C1orf35: variants seen among roughly 807,000 people sequenced by gnomAD.
The protein encoded by C1orf35 is multiple myeloma tumor-associated protein 2.
C1orf35 carries 36 observed loss-of-function variants against 30.9 expected under a neutral mutation model. The observed-to-expected ratio is 1.16, with a 90% CI of 0.89 to 1.54. The LOEUF (loss-of-function observed/expected upper bound fraction) is 1.54. C1orf35 is among the 40% of genes most tolerant of loss of function. C1orf35 has a pLI of 0.00. For missense variants in C1orf35, 396 were observed against 358.7 expected, an observed-to-expected ratio of 1.10 and a Z score of -0.84; for synonymous variants, 179 against 148.2, an observed-to-expected ratio of 1.21 and a Z score of -1.51.
intron 6 of C1orf35, chr1:228,101,801 C>T: frequency 7.1e-7 from 1 of 1,410,810 alleles, no homozygotes; most frequent in Non-Finnish European, 9.2e-7. Context: ...CCTGGAGGTG[C>T]CACCCACGGC....
chr1:228,102,803 T>TGGCCCCCC, intron 2 of C1orf35, 96 bp downstream of exon 2: 2 of 1,187,496 alleles, frequency 1.7e-6, no homozygotes, highest in Non-Finnish European at 2.3e-6. Flanking sequence ...GCAGCCCCGC[T>TGGCCCCCC]CCCGCCCAGC....
rs1466261757 is a variant in C1orf35 at position 228,101,405 on chromosome 1, TTCTC to T, written c.598_601del (p.Glu200ArgfsTer76). ...CCTGTGCTCTTTGTCTTTCTTCTTC[TTCTC>T]TTTCTTGTGTTTCCTCTTTTTCTTT... On this transcript the variant is annotated frameshift_variant, in exon 7 of 8. Coordinates refer to ENST00000272139, the MANE Select transcript of C1orf35 (RefSeq NM_024319.4). LOFTEE classifies it high-confidence loss of function. 8.1e-6 allele frequency: 13 copies of T among 1,613,878 alleles called. No individual in the cohort carries two copies. The highest frequency in any genetic ancestry group is 1.1e-5 in the Non-Finnish European group (13 of 1,179,986).
At position 228,100,770 on chromosome 1, in the gene C1orf35, T is replaced by C. The variant is rs898914369; in HGVS notation, c.*361A>G. 1 of 225,798 alleles carries C rather than the reference T, an allele frequency of 4.4e-6. No homozygotes were observed. Among genetic ancestry groups the C allele is most frequent in the African/African-American group, 2.3e-5 (1 of 44,108 alleles). The allele number at this position is 225,798 out of a possible 1,614,324, so 14.0% of individuals were successfully genotyped here. A position where few individuals can be genotyped will look rare whatever the true frequency, so the allele number is the denominator to read the frequency against. Reference sequence around the variant, plus strand: ...TATTTATTGAAATACAAAGAGTCAATATAAAGAAAAATAGAGGTCACCATA... The same window carrying C: ...TATTTATTGAAATACAAAGAGTCAACATAAAGAAAAATAGAGGTCACCATA... On this transcript the variant is annotated 3_prime_UTR_variant, in exon 8 of 8. Transcript: ENST00000272139.
At chr1:228,102,217 C>A in intron 5 of C1orf35, 52 bp from the exon 6 acceptor site, 2 of 1,559,892 alleles carry the variant, frequency 1.3e-6, no homozygotes, top group South Asian at 1.1e-5. Context: ...CCCCACACCA[C>A]GCCCCGCAGC....
At chr1:228,101,527 G>A in intron 6 of C1orf35, 54 bp from the exon 7 acceptor site, 4 of 1,601,156 alleles carry the variant, frequency 2.5e-6, no homozygotes, top group East Asian at 2.2e-5. Context: ...AGCCAAGAGA[G>A]TGAACACAAG....
At position 228,100,747 on chromosome 1, in the gene C1orf35, T is replaced by C. The variant is rs187213062; in HGVS notation, c.*384A>G. 1.7e-4 allele frequency: 32 copies of C among 184,328 alleles called. No homozygotes were observed. The highest frequency in any genetic ancestry group is 1.3e-3 in the Admixed American group (24 of 17,892). 11.4% of individuals were successfully genotyped at this position (184,328 alleles called of 1,614,324 possible). On this transcript the variant is annotated 3_prime_UTR_variant, in exon 8 of 8. Transcript: ENST00000272139. ...TGATATACCTTCCTTTTAAAATATA[T>C]TTATTGAAATACAAAGAGTCAATAT...
intron 7 of C1orf35, 26 bp from the exon 8 acceptor site, chr1:228,101,280 A>G (rs755434861): frequency 6.2e-7 from 1 of 1,614,000 alleles, no homozygotes; most frequent in East Asian, 2.2e-5. Flanking sequence ...GCAGTCAGTC[A>G]CTCGGAAGGA....
At chr1:228,102,222 C>A in intron 5 of C1orf35, 57 bp from the exon 6 acceptor site, 3 of 1,565,314 alleles carry the variant, frequency 1.9e-6, no homozygotes, top group Non-Finnish European at 2.6e-6. Flanking sequence ...CACCACGCCC[C>A]GCAGCGCCCC....
Position 228,101,172 on chromosome 1 carries a change from T to G in C1orf35, c.751A>C (p.Ser251Arg), listed in dbSNP as rs1159691797. Residue 251 changes from serine to arginine, a missense_variant, in exon 8 of 8, where the codon AGC (serine) becomes CGC (arginine). By Grantham distance (110) the Ser-to-Arg change is moderately radical (BLOSUM62 -1). Coordinates refer to ENST00000272139, the MANE Select transcript of C1orf35 (RefSeq NM_024319.4). Reference protein sequence around the residue: ...RKRGHSGDRRSPSRRWHDRGS... With the variant: ...RKRGHSGDRRRPSRRWHDRGS... ...CTGTCATGCCACCTGCGAGACGGGC[T>G]CCTCCTGTCCCCACTGTGTCCCCGC... 2 of 1,613,912 alleles carry G rather than the reference T, an allele frequency of 1.2e-6. No individual in the cohort carries two copies. Among genetic ancestry groups the G allele is most frequent in the South Asian group, 2.2e-5 (2 of 91,076 alleles).
intron 6 of C1orf35, 89 bp downstream of exon 6, chr1:228,101,991 A>T: frequency 1.4e-6 from 2 of 1,430,142 alleles, no homozygotes; most frequent in African/African-American, 2.9e-5. Context: ...GCGCCAAGAG[A>T]AGCTGCCACC....
At position 228,103,308 on chromosome 1, in the gene C1orf35, G is replaced by A. The variant is rs929700654; in HGVS notation, c.-81C>T. 9 of 1,518,210 alleles carry A rather than the reference G, an allele frequency of 5.9e-6. No homozygotes were observed. Among genetic ancestry groups the A allele is most frequent in the African/African-American group, 5.6e-5 (4 of 71,600 alleles). The allele number at this position is 1,518,210 out of a possible 1,614,324, so 94.0% of individuals were successfully genotyped here. A position where few individuals can be genotyped will look rare whatever the true frequency, so the allele number is the denominator to read the frequency against. On this transcript the variant is annotated 5_prime_UTR_variant, in exon 1 of 8. Transcript: ENST00000272139. ...CCGAGACCCGCTACCCACTACCGTC[G>A]GACCCAGGCCCGACCCCGCCTCCGC... is the stretch of plus-strand genomic sequence containing the variant.
chr1:228,101,312 A>C, intron 7 of C1orf35, 27 bp downstream of exon 7: 1 of 1,614,122 alleles, frequency 6.2e-7, no homozygotes, highest in South Asian at 1.1e-5. Context: ...CCCCACCCCC[A>C]AGAGGCAGAT....
chr1:228,101,161 G>T lies in C1orf35; in HGVS notation c.762C>A (p.Arg254=). The change falls in exon 8 of 8, where the codon CGC becomes CGA. Residue 254 remains arginine, a synonymous_variant. Transcript: ENST00000272139. ...GHSGDRRSPS[R]RWHDRGSEA ...CCTCAGAGCCTCTGTCATGCCACCTGCGAGACGGGCTCCTCCTGTCCCCAC... is the reference window on the plus strand; with the variant it reads ...CCTCAGAGCCTCTGTCATGCCACCTTCGAGACGGGCTCCTCCTGTCCCCAC... The T allele has an allele frequency of 1.2e-6, 2 of 1,613,970 alleles. No homozygotes were observed. Among genetic ancestry groups the T allele is most frequent in the Non-Finnish European group, 1.7e-6 (2 of 1,180,034 alleles).
rs1343578139 is a variant in C1orf35 at position 228,103,138 on chromosome 1, G to A, written c.90C>T (p.Tyr30=). 1.2e-6 allele frequency: 2 copies of A among 1,610,928 alleles called. No homozygotes were observed. Among genetic ancestry groups the A allele is most frequent in the East Asian group, 2.2e-5 (1 of 44,758 alleles). The change falls in exon 1 of 8, where the codon TAC becomes TAT. Residue 30 remains tyrosine (Y), a synonymous_variant. Coordinates refer to ENST00000272139, the MANE Select transcript of C1orf35 (RefSeq NM_024319.4). ...DVKTDKQREN[Y]LGNSLMAPVG... ...CCGCCCACCGCGCGCACCCACCCAG[G>A]TAGTTCTCCCGCTGCTTGTCAGTCT...
intron 2 of C1orf35, 46 bp from the exon 3 acceptor site, chr1:228,102,734 C>A (rs761263806): frequency 3.0e-5 from 47 of 1,579,506 alleles, no homozygotes; most frequent in Non-Finnish European, 3.6e-5. Context: ...GACCTCCTCC[C>A]ACCACAGGTC....
chr1:228,101,798 G>GTGCC, intron 6 of C1orf35: 1 of 1,412,258 alleles, frequency 7.1e-7, no homozygotes. Flanking sequence ...AGCCCTGGAG[G>GTGCC]TGCCACCCAC....
At position 228,102,068 on chromosome 1, in the gene C1orf35, G is replaced by T; in HGVS notation, c.533+12C>A. The T allele has an allele frequency of 6.4e-7, 1 of 1,567,108 alleles. No homozygotes were observed. The highest frequency in any genetic ancestry group is 2.3e-5 in the East Asian group (1 of 43,564). On this transcript the variant is annotated intron_variant, in intron 6 of 7. Coordinates refer to ENST00000272139, the MANE Select transcript of C1orf35 (RefSeq NM_024319.4). ...CCCCGGGGCACAGCTAGCCCAGGTG[G>T]CACAGCCTCACCTGCTTTCCGTCTG...
In C1orf35 at chr1:228,103,219, G is replaced by C; in HGVS notation, c.9C>G (p.Gly3=). MF[G]SSRGGVRGGQ... ...CGCCGCGCACGCCTCCACGACTGGA[G>C]CCGAACATGGCGCCGGGAAGGCAGT... The change falls in exon 1 of 8, where the codon GGC becomes GGG. Residue 3 remains glycine, a synonymous_variant. Transcript: ENST00000272139. 1 of 1,609,874 alleles carries C rather than the reference G, an allele frequency of 6.2e-7. No homozygotes were observed. Among genetic ancestry groups the C allele is most frequent in the Non-Finnish European group, 8.5e-7 (1 of 1,178,934 alleles).
intron 6 of C1orf35, 200 bp from the exon 7 acceptor site, chr1:228,101,673 A>C: frequency 6.9e-7 from 1 of 1,439,074 alleles, no homozygotes; most frequent in Non-Finnish European, 9.1e-7. Flanking sequence ...CAATATCCCC[A>C]TCTCCACAGC....
Sources: gnomAD v4.1 joint callset for allele counts on GRCh38, gnomAD v4.1.1 for gene constraint, MANE v1.5 for transcripts, NCBI Gene and HGNC (gene_info 2026-07-23, HGNC 2026-07-21) for gene names.